ANKS1B: variants seen among roughly 807,000 people sequenced by gnomAD.
The protein encoded by ANKS1B is ankyrin repeat and sterile alpha motif domain containing 1B, also known as ankyrin repeat and sterile alpha motif domain-containing protein 1B.
A neutral mutation model predicts 148.3 loss-of-function variants in ANKS1B; 36 were observed. That is an observed-to-expected ratio of 0.24 (90% CI 0.19 to 0.32). The LOEUF (loss-of-function observed/expected upper bound fraction) is 0.32, where lower values mean the gene tolerates loss of function less well. Among genes scored for constraint, ANKS1B ranks in the 10% least tolerant of loss-of-function variants. The pLI, the probability that ANKS1B is intolerant of heterozygous loss-of-function variation, is 1.00. For synonymous variants in ANKS1B, 542 were observed against 560.8 expected, an observed-to-expected ratio of 0.97 and a Z score of 0.47; for missense variants, 1,157 against 1,542.6, an observed-to-expected ratio of 0.75 and a Z score of 4.19.
intron 1 of ANKS1B, among the ~76,000 whole-genome samples, chr12:99,925,036 C>T (rs936358721): frequency 2.0e-5 from 3 of 152,084 alleles, no homozygotes; most frequent in African/African-American, 7.2e-5. Context: ...GTTGTATCCC[C>T]AGCACCTAGA....
At chr12:99,680,981 A>C (rs1208389482) in intron 8 of ANKS1B, among the ~76,000 whole-genome samples, 3 of 152,004 alleles carry the variant, frequency 2.0e-5, no homozygotes, top group Non-Finnish European at 4.4e-5. Flanking sequence ...CCCCCACAGA[A>C]GCCATAGCAA....
At chr12:99,983,799 C>T (rs1182632665) in intron 1 of ANKS1B, among the ~76,000 whole-genome samples, 5 of 152,054 alleles carry the variant, frequency 3.3e-5, no homozygotes, top group Non-Finnish European at 7.4e-5. Flanking sequence ...TGATGGAAAG[C>T]GGGCGGAACG....
At chr12:99,508,044 T>G (rs1246540211) in intron 9 of ANKS1B, among the ~76,000 whole-genome samples, 1 of 151,876 alleles carries the variant, frequency 6.6e-6, no homozygotes, top group Non-Finnish European at 1.5e-5. Context: ...AAAAAATAAA[T>G]TTTTAGTACT....
intron 17 of ANKS1B, among the ~76,000 whole-genome samples, chr12:98,935,229 T>C (rs2099817439): frequency 6.6e-6 from 1 of 152,222 alleles, no homozygotes; most frequent in Non-Finnish European, 1.5e-5. Context: ...CAGCATCTAT[T>C]GAGATGATCA....
chr12:99,775,280 G>A (rs2063551306), intron 7 of ANKS1B, among the ~76,000 whole-genome samples: 1 of 152,040 alleles, frequency 6.6e-6, no homozygotes, highest in East Asian at 1.9e-4. Flanking sequence ...TATTTGCCAA[G>A]TATACCTCAA....
At chr12:98,736,635 G>T (rs1307610233) in intron 9 of ANKS1B, among the ~76,000 whole-genome samples, 1 of 152,172 alleles carries the variant, frequency 6.6e-6, no homozygotes, top group Non-Finnish European at 1.5e-5. Flanking sequence ...GATGAAATCA[G>T]CAGTGAAGTG....
rs532211290 is a variant in ANKS1B, at chr12:99,353,171, T to C, written c.1756+46460A>G. Among the ~76,000 whole-genome samples the C allele has an allele frequency of 1.5e-3, 232 of 152,132 alleles. 1 individual carries two copies. Among genetic ancestry groups the C allele is most frequent in the African/African-American group, 5.0e-3 (209 of 41,542 alleles). On this transcript the variant is annotated intron_variant, in intron 12 of 26. Coordinates refer to ENST00000683438, the MANE Select transcript of ANKS1B (RefSeq NM_001352186.2). Reference sequence around the variant, plus strand: ...TCATTAGAGGCACCACAGTATGATGTGGTCTTTAGAATAAGATATACATGG... The same window carrying C: ...TCATTAGAGGCACCACAGTATGATGCGGTCTTTAGAATAAGATATACATGG...
At chr12:99,725,441 C>A (rs1184967575) in intron 8 of ANKS1B, among the ~76,000 whole-genome samples, 1 of 152,188 alleles carries the variant, frequency 6.6e-6, no homozygotes, top group African/African-American at 2.4e-5. Flanking sequence ...ATCAATTCAA[C>A]AAGAAGAGCT....
chr12:99,204,432 G>A (rs764317473), intron 14 of ANKS1B, among the ~76,000 whole-genome samples: 2 of 152,176 alleles, frequency 1.3e-5, no homozygotes, highest in Admixed American at 6.5e-5. Flanking sequence ...TAAATTAATG[G>A]GTCTTGGAGG....
chr12:99,488,339 A>G (rs2096521411), intron 10 of ANKS1B, among the ~76,000 whole-genome samples: 1 of 152,060 alleles, frequency 6.6e-6, no homozygotes, highest in Non-Finnish European at 1.5e-5. Context: ...TTGGTTTGCC[A>G]TGTTTCTTCT....
intron 9 of ANKS1B, among the ~76,000 whole-genome samples, chr12:99,529,483 T>A (rs2096965252): frequency 6.6e-6 from 1 of 152,032 alleles, no homozygotes; most frequent in South Asian, 2.1e-4. Flanking sequence ...TGAAATGCTG[T>A]CTCTACTAAA....
intron 17 of ANKS1B, among the ~76,000 whole-genome samples, chr12:98,882,402 A>G (rs191303723): frequency 7.8e-4 from 119 of 152,332 alleles, no homozygotes; most frequent in Non-Finnish European, 1.5e-3. Flanking sequence ...GATGTGCAGT[A>G]TAATTAGTCA....
chr12:99,930,495 TC>T, intron 1 of ANKS1B, among the ~76,000 whole-genome samples: 1 of 152,236 alleles, frequency 6.6e-6, no homozygotes, highest in African/African-American at 2.4e-5. Flanking sequence ...TCTATTTCCT[TC>T]TCCTGCCTGA....
At chr12:98,808,832 T>C (rs969837295) in intron 19 of ANKS1B, among the ~76,000 whole-genome samples, 4 of 152,178 alleles carry the variant, frequency 2.6e-5, no homozygotes, top group African/African-American at 9.7e-5. Context: ...TGGCAGAGCA[T>C]GTAAACTTAT....
intron 17 of ANKS1B, among the ~76,000 whole-genome samples, chr12:98,867,737 C>T (rs1165316366): frequency 2.6e-5 from 4 of 151,902 alleles, no homozygotes; most frequent in African/African-American, 9.7e-5. Flanking sequence ...TGGCGGGCAC[C>T]TGTAGTCCCA....
intron 22 of ANKS1B, 97 bp from the exon 23 acceptor site, chr12:98,782,234 G>A (rs1346348737): frequency 9.5e-7 from 1 of 1,055,474 alleles, no homozygotes; most frequent in African/African-American, 1.6e-5. Flanking sequence ...TTCACCAACA[G>A]TGTAAATTCA....
chr12:99,183,075 T>C (rs2079328587), intron 14 of ANKS1B, among the ~76,000 whole-genome samples: 1 of 152,214 alleles, frequency 6.6e-6, no homozygotes, highest in Non-Finnish European at 1.5e-5. Context: ...CCCTGTCAGA[T>C]GGAGGGTTTG....
intron 8 of ANKS1B, among the ~76,000 whole-genome samples, chr12:99,663,246 C>T (rs1376795899): frequency 6.6e-6 from 1 of 152,050 alleles, no homozygotes; most frequent in African/African-American, 2.4e-5. Flanking sequence ...GGAACAGACT[C>T]AACCATCTTA....
chr12:99,183,377 C>T (rs2079372580), intron 14 of ANKS1B, among the ~76,000 whole-genome samples: 2 of 152,186 alleles, frequency 1.3e-5, no homozygotes, highest in Non-Finnish European at 2.9e-5. Flanking sequence ...GGTGCAGTGG[C>T]TCATGCCCGT....
Sources: allele counts gnomAD v4.1 joint callset (sites outside exome capture counted in the v4.1 genomes callset), GRCh38; gene constraint gnomAD v4.1.1; transcripts MANE v1.5; gene names NCBI Gene and HGNC (gene_info 2026-07-23, HGNC 2026-07-21).